The following CCNJL variants were observed in gnomAD, a reference collection of about 807,000 sequenced individuals.
CCNJL encodes cyclin-J-like protein.
In CCNJL, 33 loss-of-function variants were observed where a neutral mutation model predicts 33.4. The ratio of observed to expected loss-of-function variants is 0.99; its 90% CI spans 0.75 to 1.32. The LOEUF is 1.32. Among genes scored for constraint, CCNJL ranks in the 40% most tolerant of loss-of-function variants. CCNJL has a pLI of 0.00. For synonymous variants in CCNJL, 227 were observed against 220.9 expected (o/e 1.03, Z -0.24); for missense variants, 512 against 499.7 (o/e 1.02, Z -0.23).
At chr5:160,314,498 A>G (rs1763355382), upstream of CCNJL, among the ~76,000 whole-genome samples, 1 of 152,216 alleles carries the variant, frequency 6.6e-6, no homozygotes, top group African/African-American at 2.4e-5. Flanking sequence ...AAATCACAAG[A>G]GGATAAGAAG....
chr5:160,269,848 G>A (rs1371320410), intron 3 of CCNJL, among the ~76,000 whole-genome samples: 1 of 152,208 alleles, frequency 6.6e-6, no homozygotes, highest in Non-Finnish European at 1.5e-5. Context: ...GTGACAACCT[G>A]TGTCCCCATT....
upstream of CCNJL, among the ~76,000 whole-genome samples, chr5:160,314,540 C>A (rs1420077911): frequency 1.3e-5 from 2 of 152,042 alleles, no homozygotes; most frequent in African/African-American, 4.8e-5. Context: ...GAGGGGAAGG[C>A]CTAGATACTA....
At chr5:160,316,468 G>C (rs997400790), upstream of CCNJL, among the ~76,000 whole-genome samples, 4 of 151,830 alleles carry the variant, frequency 2.6e-5, no homozygotes, top group Non-Finnish European at 5.9e-5. Context: ...AGGACAAATT[G>C]GTCTAATATT....
intron 2 of CCNJL, among the ~76,000 whole-genome samples, chr5:160,290,826 A>G (rs767155947): frequency 9.2e-5 from 14 of 152,110 alleles, no homozygotes; most frequent in Non-Finnish European, 4.4e-5. Flanking sequence ...GAGAAAAAAC[A>G]TTATTTGTTC....
At chr5:160,274,578 G>A (rs1761947161) in intron 3 of CCNJL, among the ~76,000 whole-genome samples, 1 of 152,210 alleles carries the variant, frequency 6.6e-6, no homozygotes, top group African/African-American at 2.4e-5. Context: ...CCAGAGACGG[G>A]GGCTTTCCCA....
At chr5:160,280,854 C>G (rs1340512110) in intron 2 of CCNJL, 116 bp from the exon 3 acceptor site, 10 of 763,098 alleles carry the variant, frequency 1.3e-5, no homozygotes, top group Non-Finnish European at 1.6e-5. Flanking sequence ...CCTCCATACC[C>G]TTCTTAGTTT....
At chr5:160,269,371 C>T (rs1761738157) in intron 3 of CCNJL, 1 of 455,614 alleles carries the variant, frequency 2.2e-6, no homozygotes, top group Admixed American at 2.4e-5. Context: ...CCCACAAGTG[C>T]TTCTGTCCTC....
chr5:160,311,702 A>G (rs6556490), intron 2 of CCNJL, among the ~76,000 whole-genome samples, 156 bp downstream of exon 2: 54,729 of 151,750 alleles, frequency 0.36, 10,782 homozygotes, highest in African/African-American at 0.52. Flanking sequence ...CCGCCCCCCA[A>G]TTCCGCTCAG....
Position 160,311,878 on chromosome 5 carries a change from G to C in CCNJL, c.46C>G (p.His16Asp). The C allele has an allele frequency of 6.2e-7, 1 of 1,614,132 alleles. No individual in the cohort carries two copies. Among genetic ancestry groups the C allele is most frequent in the Non-Finnish European group, 8.5e-7 (1 of 1,179,962 alleles). Residue 16 changes from histidine to aspartate, a missense_variant, in exon 2 of 6, where the codon CAC becomes GAC. His to Asp is a moderately conservative substitution (Grantham distance 81). Transcript: ENST00000257536. ...WWEGRVASDV[H>D]CTLREKELKL... is the part of the protein sequence containing the mutation. ...CTGACCTTCTCGCGCAGGGTGCAGTGGACGTCCGAGGCGACGCGCCCTTCC... is the reference window on the plus strand; with the variant it reads ...CTGACCTTCTCGCGCAGGGTGCAGTCGACGTCCGAGGCGACGCGCCCTTCC...
At chr5:160,269,245 C>T (rs1468400811) in intron 3 of CCNJL, among the ~76,000 whole-genome samples, 1 of 152,204 alleles carries the variant, frequency 6.6e-6, no homozygotes, top group East Asian at 1.9e-4. Flanking sequence ...CAGGCAACCC[C>T]TGGTTCCTTT....
chr5:160,307,346 G>A (rs1278389029), intron 2 of CCNJL, among the ~76,000 whole-genome samples: 1 of 152,204 alleles, frequency 6.6e-6, no homozygotes, highest in Admixed American at 6.5e-5. Context: ...AAAGAAGCAA[G>A]GATGAGGGTG....
chr5:160,296,066 G>C (rs780490837), intron 2 of CCNJL, among the ~76,000 whole-genome samples: 17 of 152,150 alleles, frequency 1.1e-4, no homozygotes, highest in Non-Finnish European at 2.5e-4. Context: ...TGTAGGCAGT[G>C]GCTAGCACAG....
intron 2 of CCNJL, among the ~76,000 whole-genome samples, chr5:160,309,805 C>A (rs979216345): frequency 1.3e-5 from 2 of 152,156 alleles, no homozygotes; most frequent in Non-Finnish European, 2.9e-5. Context: ...CCTAATAAGG[C>A]CAGCTTTAAG....
intron 4 of CCNJL, 59 bp downstream of exon 4, chr5:160,259,410 C>A (rs1761216442): frequency 6.5e-7 from 1 of 1,533,384 alleles, no homozygotes; most frequent in African/African-American, 1.4e-5. Context: ...CCGCCTGACC[C>A]CGACCCCTGG....
chr5:160,264,699 T>C (rs1329082873), intron 3 of CCNJL, among the ~76,000 whole-genome samples: 16 of 152,226 alleles, frequency 1.1e-4, no homozygotes, highest in Admixed American at 1.0e-3. Context: ...GCTGAAACTC[T>C]GTCCCCATTA....
chr5:160,312,035 C>T, intron 1 of CCNJL, 63 bp from the exon 2 acceptor site: 2 of 1,048,134 alleles, frequency 1.9e-6, no homozygotes, highest in Middle Eastern at 2.8e-4. Flanking sequence ...CCCGGTGTCC[C>T]TATCCTCTCT....
At chr5:160,321,978 G>T (rs1349368089) in intron 1 of CCNJL, among the ~76,000 whole-genome samples, 2 of 152,198 alleles carry the variant, frequency 1.3e-5, no homozygotes, top group East Asian at 1.9e-4. Context: ...GGCAGTGGGG[G>T]TGAGGAAAGG....
At chr5:160,265,872 A>G (rs1054494246) in intron 3 of CCNJL, among the ~76,000 whole-genome samples, 10 of 152,176 alleles carry the variant, frequency 6.6e-5, no homozygotes, top group East Asian at 1.9e-4. Flanking sequence ...AAAAAAAAAA[A>G]AAAAGAAAAA....
chr5:160,253,812 A>T lies in CCNJL; in HGVS notation c.744-14T>A, dbSNP rs766689556. On this transcript the variant is annotated splice_polypyrimidine_tract_variant and intron_variant, in intron 5 of 5. Coordinates refer to ENST00000257536, the MANE Select transcript of CCNJL (RefSeq NM_001308173.3). ...TTGTCATACACTCTGAAACGAGAAG[A>T]CCTGGGTGAGAACTGGAGGCCAAAA... 1.4e-5 allele frequency: 21 copies of T among 1,494,104 alleles called. No individual in the cohort carries two copies. In the South Asian group the frequency reaches 2.7e-4, roughly 19 times the overall value. The allele number at this position is 1,494,104 out of a possible 1,614,324, so 92.6% of individuals were successfully genotyped here.
Sources: allele counts gnomAD v4.1 joint callset (sites outside exome capture counted in the v4.1 genomes callset), GRCh38; gene constraint gnomAD v4.1.1; transcripts MANE v1.5; gene names NCBI Gene and HGNC (gene_info 2026-07-23, HGNC 2026-07-21).